Variants in SPATA31D3 observed in about 807,000 individuals in gnomAD.
The protein encoded by SPATA31D3 is spermatogenesis-associated protein 31D3.
For synonymous variants in SPATA31D3, 27 were observed against 107.8 expected (o/e 0.25, Z 4.65); for missense variants, 91 against 297.9 (o/e 0.31, Z 5.11).
Position 81,947,987 on chromosome 9 carries a change from A to T in SPATA31D3, c.2734A>T (p.Ile912Leu), listed in dbSNP as rs202044281. The part of the protein sequence containing the change: ...AHIKSFHMKP[I>L]LNLSI ...TATTAAATCTTTCCATATGAAGCCC[A>T]TATTAAATCTTTCCATATGAGGATG... Residue 912 changes from isoleucine to leucine, a missense_variant, in exon 4 of 4, where the codon ATA (isoleucine) becomes TTA (leucine). Coordinates refer to ENST00000445385, the MANE Select transcript of SPATA31D3 (RefSeq NM_207416.3). 94,783 of 1,560,894 alleles carry T rather than the reference A, an allele frequency of 0.061. 3,668 individuals are homozygous for T. The highest frequency in any genetic ancestry group is 0.18 in the Admixed American group (8,921 of 49,606).
At position 81,948,066 on chromosome 9, in the gene SPATA31D3, AGAG is replaced by A. The variant is rs999696563; in HGVS notation, c.*62_*64del. On this transcript the variant is annotated 3_prime_UTR_variant, in exon 4 of 4. Coordinates refer to ENST00000445385, the MANE Select transcript of SPATA31D3 (RefSeq NM_207416.3). ...AACCCACAGAAATCTTCAAATCAGAAGAGGATATTTCCAATTCCTTTTCCCATT... is the reference window on the plus strand; with the variant it reads ...AACCCACAGAAATCTTCAAATCAGAAGATATTTCCAATTCCTTTTCCCATT... 1 of 1,587,942 alleles carries A rather than the reference AGAG, an allele frequency of 6.3e-7. No homozygotes were observed. Among genetic ancestry groups the A allele is most frequent in the African/African-American group, 1.4e-5 (1 of 73,098 alleles).
chr9:81,945,673 G>A lies in SPATA31D3; in HGVS notation c.420G>A (p.Leu140=). Residue 140 remains leucine, a synonymous_variant, in exon 4 of 4, where the codon CTG becomes CTA. Coordinates refer to ENST00000445385, the MANE Select transcript of SPATA31D3 (RefSeq NM_207416.3). ...GAGCAACTGCTGATATCCAGCGACTGCTGTCTTGGGAGTCCCTGAAAGATG... is the reference window on the plus strand; with the variant it reads ...GAGCAACTGCTGATATCCAGCGACTACTGTCTTGGGAGTCCCTGAAAGATG... ...CNRATADIQR[L]LSWESLKDAA... is the part of the protein sequence containing the mutation. 2 of 97,670 alleles carry A rather than the reference G, an allele frequency of 2.0e-5. No individual in the cohort carries two copies. The highest frequency in any genetic ancestry group is 3.5e-5 in the Non-Finnish European group (2 of 57,568). 6.1% of individuals were successfully genotyped at this position (97,670 alleles called of 1,614,324 possible). A position where few individuals can be genotyped will look rare whatever the true frequency, so the allele number is the denominator to read the frequency against.
In SPATA31D3 at chr9:81,949,351, CT is replaced by C; in HGVS notation, c.*1348del. 8.4e-6 allele frequency: 3 copies of C among 357,464 alleles called. No individual in the cohort carries two copies. Among genetic ancestry groups the C allele is most frequent in the South Asian group, 7.4e-5 (2 of 27,054 alleles). The allele number at this position is 357,464 out of a possible 1,614,324, so 22.1% of individuals were successfully genotyped here. ...GAAAACACAGCCTCCTCCTGAAAACCTTTTCGGAACATTGATGAAGACCTTT... is the reference window on the plus strand; with the variant it reads ...GAAAACACAGCCTCCTCCTGAAAACCTTTCGGAACATTGATGAAGACCTTT... On this transcript the variant is annotated 3_prime_UTR_variant, in exon 4 of 4. Transcript: ENST00000445385.
rs1823920235 is a variant in SPATA31D3, at chr9:81,947,844, C to A, written c.2591C>A (p.Ser864Tyr). ...VKQTICLPEK[S>Y]HSQIKHRNLA... is the part of the protein sequence containing the mutation. ...CAGACAATATGTCTTCCTGAGAAAT[C>A]CCACAGCCAAATTAAACATCGAAAT... Residue 864 changes from serine to tyrosine, a missense_variant, in exon 4 of 4, where the codon TCC becomes TAC. Coordinates refer to ENST00000445385, the MANE Select transcript of SPATA31D3 (RefSeq NM_207416.3). 1 of 1,608,836 alleles carries A rather than the reference C, an allele frequency of 6.2e-7. No individual in the cohort carries two copies. The highest frequency in any genetic ancestry group is 2.3e-5 in the East Asian group (1 of 44,272).
Position 81,949,625 on chromosome 9 carries a change from G to T in SPATA31D3, c.*1618G>T, listed in dbSNP as rs578054907. 2.5e-6 allele frequency: 2 copies of T among 801,352 alleles called. No individual in the cohort carries two copies. Among genetic ancestry groups the T allele is most frequent in the African/African-American group, 3.4e-5 (2 of 59,082 alleles). The allele number at this position is 801,352 out of a possible 1,614,324, so 49.6% of individuals were successfully genotyped here. A position where few individuals can be genotyped will look rare whatever the true frequency, so the allele number is the denominator to read the frequency against. On this transcript the variant is annotated 3_prime_UTR_variant, in exon 4 of 4. Transcript: ENST00000445385. Reference sequence around the variant, plus strand: ...CCCCTTTCCTCCCCAGTGCAGCTTGGGAAATCTCAGAATGTGCCAGAACTG... The same window carrying T: ...CCCCTTTCCTCCCCAGTGCAGCTTGTGAAATCTCAGAATGTGCCAGAACTG...
In SPATA31D3 at chr9:81,949,750, G is replaced by C. The variant is rs571199285; in HGVS notation, c.*1743G>C. 183 of 1,401,964 alleles carry C rather than the reference G, an allele frequency of 1.3e-4. No homozygotes were observed. Among genetic ancestry groups the C allele is most frequent in the Non-Finnish European group, 1.7e-4 (167 of 991,642 alleles). The allele number at this position is 1,401,964 out of a possible 1,614,324, so 86.8% of individuals were successfully genotyped here. ...ATCTTGCAGCCAACAAGCTATCTTTGTCGGCCAGAATTATCCTGCAATGAT... is the reference window on the plus strand; with the variant it reads ...ATCTTGCAGCCAACAAGCTATCTTTCTCGGCCAGAATTATCCTGCAATGAT... On this transcript the variant is annotated 3_prime_UTR_variant, in exon 4 of 4. Coordinates refer to ENST00000445385, the MANE Select transcript of SPATA31D3 (RefSeq NM_207416.3).
rs1309103423 is a variant in SPATA31D3, at chr9:81,949,204, A to T, written c.*1197A>T. On this transcript the variant is annotated 3_prime_UTR_variant, in exon 4 of 4. Transcript: ENST00000445385. ...AAAGAGAGTGAGCCCTCTAAGACCT[A>T]ATGGAGGAGAGCTTGGTGGAGGGGA... The T allele has an allele frequency of 6.9e-6, 3 of 437,426 alleles. No homozygotes were observed. Among genetic ancestry groups the T allele is most frequent in the Non-Finnish European group, 1.3e-5 (3 of 233,676 alleles). 27.1% of individuals were successfully genotyped at this position (437,426 alleles called of 1,614,324 possible).
In SPATA31D3 at chr9:81,949,849, A is replaced by T. The variant is rs982966279; in HGVS notation, c.*1842A>T. ...AAGGGGAAGATATTGTGTCAAAGGC[A>T]TCCCCAATCCATGCCCCACAGGAAG... On this transcript the variant is annotated 3_prime_UTR_variant, in exon 4 of 4. Transcript: ENST00000445385. The T allele has an allele frequency of 5.1e-5, 48 of 943,824 alleles. No homozygotes were observed. Among genetic ancestry groups the T allele is most frequent in the South Asian group, 3.6e-4 (24 of 66,350 alleles). The allele number at this position is 943,824 out of a possible 1,614,324, so 58.5% of individuals were successfully genotyped here.
intron 3 of SPATA31D3, 140 bp from the exon 4 acceptor site, chr9:81,945,400 AATGCTTT>A (rs1181702129): frequency 4.0e-6 from 1 of 251,392 alleles, no homozygotes; most frequent in Non-Finnish European, 7.0e-6. Context: ...TATGTGAATG[AATGCTTT>A]GAGGAGAGGC....
Position 81,947,755 on chromosome 9 carries a change from A to G in SPATA31D3, c.2502A>G (p.Lys834=). 6.2e-7 allele frequency: 1 copy of G among 1,602,318 alleles called. No homozygotes were observed. ...CCCTGACAGTACATTTGAGCAAGAA[A>G]TTTGAGGAAATCAATGAGGGTCGAA... ...ENALTVHLSK[K]FEEINEGRMP... Residue 834 remains lysine (K), a synonymous_variant, in exon 4 of 4, where the codon AAA becomes AAG. Transcript: ENST00000445385.
intron 3 of SPATA31D3, 126 bp downstream of exon 3, chr9:81,945,358 T>C (rs1823879201): frequency 3.0e-6 from 1 of 337,624 alleles, no homozygotes; most frequent in Non-Finnish European, 5.3e-6. Flanking sequence ...TAGCCTGCTG[T>C]AGTTTTGGGA....
chr9:81,949,690 T>A lies in SPATA31D3; in HGVS notation c.*1683T>A. ...GCCTGTCCAGGGCTATCCCTGCAAC[T>A]ACATGGCTCCCTCCTGCAAAGTGAC... is the stretch of plus-strand genomic sequence containing the variant. On this transcript the variant is annotated 3_prime_UTR_variant, in exon 4 of 4. Transcript: ENST00000445385. 7.4e-7 allele frequency: 1 copy of A among 1,355,974 alleles called. No individual in the cohort carries two copies. Among genetic ancestry groups the A allele is most frequent in the South Asian group, 1.2e-5 (1 of 85,426 alleles). 84.0% of individuals were successfully genotyped at this position (1,355,974 alleles called of 1,614,324 possible).
chr9:81,949,350 C>T lies in SPATA31D3; in HGVS notation c.*1343C>T, dbSNP rs376706713. 2.8e-6 allele frequency: 1 copy of T among 357,836 alleles called. No individual in the cohort carries two copies. The highest frequency in any genetic ancestry group is 6.2e-5 in the East Asian group (1 of 16,052). 22.2% of individuals were successfully genotyped at this position (357,836 alleles called of 1,614,324 possible). ...TGAAAACACAGCCTCCTCCTGAAAA[C>T]CTTTTCGGAACATTGATGAAGACCT... On this transcript the variant is annotated 3_prime_UTR_variant, in exon 4 of 4. Coordinates refer to ENST00000445385, the MANE Select transcript of SPATA31D3 (RefSeq NM_207416.3).
chr9:81,945,273 C>CTTTTTTTTT (rs769927001), intron 3 of SPATA31D3, 41 bp downstream of exon 3: 1,076 of 91,408 alleles, frequency 0.012, 136 homozygotes, highest in East Asian at 0.018. Flanking sequence ...CCACCGCCTT[C>CTTTTTTTTT]TTTTTTTTTT....
chr9:81,949,575 A>C lies in SPATA31D3; in HGVS notation c.*1568A>C, dbSNP rs573054839. On this transcript the variant is annotated 3_prime_UTR_variant, in exon 4 of 4. Coordinates refer to ENST00000445385, the MANE Select transcript of SPATA31D3 (RefSeq NM_207416.3). ...AAGAGAAGCTGGGGCATAGACATTGAATAGATATCACCTGTCCCCAGGAGC... is the reference window on the plus strand; with the variant it reads ...AAGAGAAGCTGGGGCATAGACATTGCATAGATATCACCTGTCCCCAGGAGC... The C allele has an allele frequency of 7.8e-5, 49 of 626,956 alleles. No homozygotes were observed. Among genetic ancestry groups the C allele is most frequent in the South Asian group, 7.5e-4 (44 of 58,904 alleles). The allele number at this position is 626,956 out of a possible 1,614,324, so 38.8% of individuals were successfully genotyped here.
At position 81,948,156 on chromosome 9, in the gene SPATA31D3, G is replaced by C; in HGVS notation, c.*149G>C. ...GAGATTCCAAAGATGGGGTCTCTAA[G>C]TCTTGTAGACGAAGCACTTTTCAAG... On this transcript the variant is annotated 3_prime_UTR_variant, in exon 4 of 4. Coordinates refer to ENST00000445385, the MANE Select transcript of SPATA31D3 (RefSeq NM_207416.3). The C allele has an allele frequency of 1.4e-6, 2 of 1,419,908 alleles. No homozygotes were observed. Among genetic ancestry groups the C allele is most frequent in the Non-Finnish European group, 1.9e-6 (2 of 1,054,966 alleles). 88.0% of individuals were successfully genotyped at this position (1,419,908 alleles called of 1,614,324 possible).
rs1212792013 is a variant in SPATA31D3 at position 81,950,023 on chromosome 9, T to TC, written c.*2022dup. On this transcript the variant is annotated 3_prime_UTR_variant, in exon 4 of 4. Coordinates refer to ENST00000445385, the MANE Select transcript of SPATA31D3 (RefSeq NM_207416.3). ...CAAAGCATTTGCAGGGAGGAAAATT[T>TC]CCCCCCAAAAAATAATTAACTCCTT... The TC allele has an allele frequency of 2.8e-5, 9 of 325,758 alleles. No individual in the cohort carries two copies. In the Admixed American group the frequency reaches 3.1e-4, roughly 11 times the overall value. 20.2% of individuals were successfully genotyped at this position (325,758 alleles called of 1,614,324 possible).
rs1232784124 is a variant in SPATA31D3 at position 81,947,988 on chromosome 9, T to C, written c.2735T>C (p.Ile912Thr). 3.2e-6 allele frequency: 5 copies of C among 1,564,302 alleles called. No individual in the cohort carries two copies. The highest frequency in any genetic ancestry group is 3.5e-6 in the Non-Finnish European group (4 of 1,157,484). The change falls in exon 4 of 4, where the codon ATA becomes ACA. Residue 912 changes from isoleucine (I) to threonine (T), a missense_variant. Coordinates refer to ENST00000445385, the MANE Select transcript of SPATA31D3 (RefSeq NM_207416.3). ...ATTAAATCTTTCCATATGAAGCCCA[T>C]ATTAAATCTTTCCATATGAGGATGC... ...AHIKSFHMKP[I>T]LNLSI is the part of the protein sequence containing the mutation.
rs200573014 is a variant in SPATA31D3 at position 81,947,568 on chromosome 9, G to A, written c.2315G>A (p.Cys772Tyr). The change falls in exon 4 of 4, where the codon TGC becomes TAC. Residue 772 changes from cysteine (C) to tyrosine (Y), a missense_variant. By Grantham distance (194) the Cys-to-Tyr change is radical. Coordinates refer to ENST00000445385, the MANE Select transcript of SPATA31D3 (RefSeq NM_207416.3). ...GAGAATGTGGGGAATTATCAGGGAT[G>A]CAGCCAGGAGACTGCCCCAAAAAAC... ...SMENVGNYQG[C>Y]SQETAPKNHL... The A allele has an allele frequency of 3.1e-5, 48 of 1,553,442 alleles. 2 individuals are homozygous for A. In the Middle Eastern group the frequency reaches 1.3e-3, roughly 44 times the overall value.
Sources: gnomAD v4.1 joint callset for allele counts on GRCh38, gnomAD v4.1.1 for gene constraint, MANE v1.5 for transcripts, NCBI Gene and HGNC (gene_info 2026-07-23, HGNC 2026-07-21) for gene names.